The following WDR11 variants were observed in gnomAD, a reference collection of about 807,000 sequenced individuals.
The protein encoded by WDR11 is WD repeat-containing protein 11.
A neutral mutation model predicts 151.2 loss-of-function variants in WDR11; 83 were observed. The ratio of observed to expected loss-of-function variants is 0.55; its 90% CI spans 0.46 to 0.66. WDR11 has a LOEUF of 0.66. WDR11 is among the 30% of genes least tolerant of loss of function. WDR11 has a pLI of 0.00. For missense variants in WDR11, 1,301 were observed against 1,480.9 expected, an observed-to-expected ratio of 0.88 and a Z score of 1.99; for synonymous variants, 484 against 533.1, an observed-to-expected ratio of 0.91 and a Z score of 1.27.
intron 14 of WDR11, among the ~76,000 whole-genome samples, chr10:120,884,775 T>C (rs925631001): frequency 7.2e-5 from 11 of 151,804 alleles, no homozygotes; most frequent in African/African-American, 2.4e-4. Context: ...GGAACCCTAG[T>C]GAGAAAATGA....
At chr10:120,883,040 A>T (rs1847078648) in intron 13 of WDR11, among the ~76,000 whole-genome samples, 1 of 152,098 alleles carries the variant, frequency 6.6e-6, no homozygotes, top group South Asian at 2.1e-4. Flanking sequence ...ATCTTTAAAA[A>T]TTTCCATGGG....
intron 2 of WDR11, among the ~76,000 whole-genome samples, chr10:120,852,905 C>T (rs1341007925): frequency 6.6e-6 from 1 of 152,166 alleles, no homozygotes; most frequent in African/African-American, 2.4e-5. Context: ...GAGCACTTAC[C>T]ATATGCTATG....
Position 120,871,199 on chromosome 10 carries a change from C to T in WDR11, c.1324C>T (p.Pro442Ser), listed in dbSNP as rs1429313864. ...GQSAIAGEEH[P>S]RGSILREVHL... The stretch of plus-strand genomic sequence containing the variant: ...AAGTGCAATTGCTGGGGAAGAACAT[C>T]CCAGAGGTTCAATTCTGCGGGAAGT... Residue 442 changes from proline to serine, a missense_variant, in exon 10 of 29, where the codon CCC (proline) becomes TCC (serine). Physicochemically the swap from Pro to Ser is moderately conservative, Grantham distance 74. This residue lies in a region of WDR11 where 692 missense variants were observed against 762.5 expected (regional missense o/e 0.91). Transcript: ENST00000263461. The T allele has an allele frequency of 2.5e-6, 4 of 1,613,984 alleles. No homozygotes were observed. Among genetic ancestry groups the T allele is most frequent in the Non-Finnish European group, 3.4e-6 (4 of 1,180,010 alleles).
At chr10:120,895,127 G>A (rs1292300618) in intron 19 of WDR11, among the ~76,000 whole-genome samples, 4 of 152,018 alleles carry the variant, frequency 2.6e-5, no homozygotes, top group Admixed American at 2.0e-4. Flanking sequence ...GTATCTTTTC[G>A]TTTGTTCATT....
chr10:120,853,367 G>A (rs1845845872), intron 2 of WDR11, among the ~76,000 whole-genome samples: 1 of 151,758 alleles, frequency 6.6e-6, no homozygotes, highest in South Asian at 2.1e-4. Flanking sequence ...CTGGGTTCAC[G>A]CCATTCTCCT....
intron 19 of WDR11, among the ~76,000 whole-genome samples, chr10:120,898,182 G>A (rs1446654319): frequency 6.6e-6 from 1 of 152,110 alleles, no homozygotes; most frequent in Non-Finnish European, 1.5e-5. Flanking sequence ...AAAGTTACTA[G>A]TGAGACATTT....
chr10:120,897,864 T>C (rs1227558574), intron 19 of WDR11, among the ~76,000 whole-genome samples: 1 of 152,232 alleles, frequency 6.6e-6, no homozygotes, highest in East Asian at 1.9e-4. Context: ...GTGATTTTAC[T>C]GAATCAATAT....
chr10:120,858,319 T>G (rs1259985196), intron 2 of WDR11, among the ~76,000 whole-genome samples: 2 of 152,202 alleles, frequency 1.3e-5, no homozygotes, highest in Non-Finnish European at 2.9e-5. Context: ...AGGTATTTTG[T>G]CATAAATTAG....
intron 15 of WDR11, 70 bp downstream of exon 15, chr10:120,886,008 C>G: frequency 6.3e-7 from 1 of 1,599,172 alleles, no homozygotes; most frequent in Non-Finnish European, 8.5e-7. Flanking sequence ...TGACAAGTAT[C>G]ATCGGAAGGT....
chr10:120,859,030 G>A (rs1248119298), intron 3 of WDR11, among the ~76,000 whole-genome samples: 1 of 152,090 alleles, frequency 6.6e-6, no homozygotes, highest in Non-Finnish European at 1.5e-5. Context: ...CTCATTAATT[G>A]CAATATCAGC....
At chr10:120,884,352 G>A (rs1847138131) in intron 14 of WDR11, among the ~76,000 whole-genome samples, 1 of 152,064 alleles carries the variant, frequency 6.6e-6, no homozygotes, top group African/African-American at 2.4e-5. Context: ...TGAATATTTG[G>A]GGACTTAATA....
chr10:120,860,321 A>G (rs766827280), intron 4 of WDR11, 39 bp downstream of exon 4: 8 of 1,593,450 alleles, frequency 5.0e-6, no homozygotes, highest in Admixed American at 1.7e-5. Flanking sequence ...GTTAAGTGAG[A>G]TATTTATAAT....
chr10:120,885,900 A>G lies in WDR11; in HGVS notation c.1935A>G (p.Ser645=), dbSNP rs560749462. 2.5e-6 allele frequency: 4 copies of G among 1,613,814 alleles called. No homozygotes were observed. In the African/African-American group the frequency reaches 5.3e-5, roughly 22 times the overall value. The part of the protein sequence containing the change: ...REAMARQTVV[S]DTELSIVESS... ...CCATGGCCCGCCAGACCGTAGTCTC[A>G]GACACAGAGCTGAGTATTGTTGAAT... The change falls in exon 15 of 29, where the codon TCA becomes TCG. Residue 645 remains serine (S), a synonymous_variant. Transcript: ENST00000263461.
chr10:120,869,259 C>T (rs927377445), intron 9 of WDR11, among the ~76,000 whole-genome samples: 3 of 151,746 alleles, frequency 2.0e-5, no homozygotes, highest in East Asian at 1.9e-4. Context: ...TACAGGCGCC[C>T]GCCACCACGC....
At chr10:120,852,279 G>A (rs891802329) in intron 1 of WDR11, 4 of 454,084 alleles carry the variant, frequency 8.8e-6, no homozygotes, top group African/African-American at 7.9e-5. Context: ...TTATGTCCTC[G>A]GGTCTCTATT....
intron 14 of WDR11, 45 bp downstream of exon 14, chr10:120,883,933 G>A: frequency 6.7e-7 from 1 of 1,487,270 alleles, no homozygotes; most frequent in Non-Finnish European, 9.4e-7. Context: ...AGGTATATAT[G>A]TATGTGGTGA....
intron 19 of WDR11, among the ~76,000 whole-genome samples, chr10:120,898,185 A>G (rs1847681033): frequency 6.6e-6 from 1 of 152,212 alleles, no homozygotes; most frequent in African/African-American, 2.4e-5. Flanking sequence ...GTTACTAGTG[A>G]GACATTTTAC....
At chr10:120,857,295 A>AC (rs987323625) in intron 2 of WDR11, among the ~76,000 whole-genome samples, 2 of 152,226 alleles carry the variant, frequency 1.3e-5, no homozygotes, top group Non-Finnish European at 2.9e-5. Flanking sequence ...TCAGCTGGGA[A>AC]CACACATGTA....
intron 2 of WDR11, among the ~76,000 whole-genome samples, chr10:120,857,408 A>G (rs892642575): frequency 6.6e-6 from 1 of 152,216 alleles, no homozygotes; most frequent in Non-Finnish European, 1.5e-5. Flanking sequence ...ATTGACAAAT[A>G]CAGAATCTAT....
Sources: gnomAD v4.1 joint callset for allele counts (sites outside exome capture counted in the v4.1 genomes callset) on GRCh38, gnomAD v4.1.1 for gene constraint, gnomAD v4.1.1 regional missense constraint, MANE v1.5 for transcripts, NCBI Gene and HGNC (gene_info 2026-07-23, HGNC 2026-07-21) for gene names.